Variants in ANOS1 observed in about 807,000 individuals in gnomAD.
ANOS1 encodes the protein anosmin-1.
In ANOS1, 6 loss-of-function variants were observed where a neutral mutation model predicts 59.0. That is an observed-to-expected ratio of 0.10 (90% CI 0.06 to 0.20). ANOS1 has a LOEUF of 0.20. Among genes scored for constraint, ANOS1 ranks in the 10% least tolerant of loss-of-function variants. The pLI, the probability that ANOS1 is intolerant of heterozygous loss-of-function variation, is 1.00. For missense variants in ANOS1, 433 were observed against 542.3 expected (o/e 0.80, Z 2.00); for synonymous variants, 217 against 223.4 (o/e 0.97, Z 0.25).
At chrX:8,639,216 G>A (rs1931620356) in intron 2 of ANOS1, among the ~76,000 whole-genome samples, 1 of 110,812 alleles carries the variant, frequency 9.0e-6, no homozygotes, top group African/African-American at 3.3e-5. Context: ...TTCCACTTGG[G>A]GGGAGCTTAA....
At chrX:8,700,688 T>A (rs1046325412) in intron 1 of ANOS1, among the ~76,000 whole-genome samples, 2 of 112,269 alleles carry the variant, frequency 1.8e-5, no homozygotes, top group Non-Finnish European at 3.8e-5. Context: ...GGTAACTAAA[T>A]GAAACAATAG....
chrX:8,610,033 A>AAAAAAAAAAC (rs1287806402), intron 3 of ANOS1, among the ~76,000 whole-genome samples: 5 of 82,712 alleles, frequency 6.0e-5, no homozygotes, highest in African/African-American at 2.4e-4. Context: ...AAAAAAAAAA[A>AAAAAAAAAAC]AACAACAACC....
intron 12 of ANOS1, 56 bp from the exon 13 acceptor site, chrX:8,534,516 C>A: frequency 1.8e-6 from 2 of 1,131,289 alleles, no homozygotes; most frequent in Non-Finnish European, 2.4e-6. Context: ...AGACAACATG[C>A]AATGCACAGA....
intron 2 of ANOS1, among the ~76,000 whole-genome samples, chrX:8,670,115 G>A (rs755801643): frequency 3.6e-5 from 4 of 109,739 alleles, no homozygotes; most frequent in East Asian, 2.9e-4. Flanking sequence ...AAGTATGCTC[G>A]TTCTGTCTGT....
rs185291148 is a variant in ANOS1 at position 8,729,173 on chromosome X, T to C, written c.207+2657A>G. 6.3e-4 allele frequency among the ~76,000 whole-genome samples: 70 copies of C among 110,974 alleles called. No homozygotes were observed. In the East Asian group the frequency reaches 0.013, roughly 21 times the overall value. On this transcript the variant is annotated intron_variant, in intron 1 of 13. Coordinates refer to ENST00000262648, the MANE Select transcript of ANOS1 (RefSeq NM_000216.4). ...TGAGAGTCCACATACCTGGCGGGCATCCAGGCTGGAGGCCAGGCAAGCTTC... is the reference window on the plus strand; with the variant it reads ...TGAGAGTCCACATACCTGGCGGGCACCCAGGCTGGAGGCCAGGCAAGCTTC...
At chrX:8,706,548 C>CTGA (rs749564238) in intron 1 of ANOS1, among the ~76,000 whole-genome samples, 77 of 111,921 alleles carry the variant, frequency 6.9e-4, no homozygotes, top group African/African-American at 2.4e-3. Context: ...ACTATGGACC[C>CTGA]TGATGATGAT....
chrX:8,635,180 C>A (rs988017486), intron 2 of ANOS1, among the ~76,000 whole-genome samples: 3 of 110,797 alleles, frequency 2.7e-5, no homozygotes, highest in Middle Eastern at 4.2e-3. Flanking sequence ...GTCCAATTTG[C>A]CTCTTGGACC....
At chrX:8,679,119 T>C (rs956504412) in intron 2 of ANOS1, among the ~76,000 whole-genome samples, 1 of 111,788 alleles carries the variant, frequency 8.9e-6, no homozygotes, top group Non-Finnish European at 1.9e-5. Context: ...GCCTTTCCAA[T>C]GGATAAACAG....
At chrX:8,595,752 C>CTCTA (rs1930723217) in intron 4 of ANOS1, among the ~76,000 whole-genome samples, 3 of 111,366 alleles carry the variant, frequency 2.7e-5, no homozygotes, top group Non-Finnish European at 5.7e-5. Context: ...TACTGACTGA[C>CTCTA]TCTATATTAG....
intron 1 of ANOS1, among the ~76,000 whole-genome samples, chrX:8,724,813 T>C (rs954841763): frequency 3.6e-5 from 4 of 112,235 alleles, no homozygotes; most frequent in Non-Finnish European, 7.5e-5. Flanking sequence ...AGAACTAAAA[T>C]GTCATAACTA....
intron 1 of ANOS1, among the ~76,000 whole-genome samples, chrX:8,715,256 C>T (rs755093747): frequency 1.8e-5 from 2 of 110,697 alleles, no homozygotes; most frequent in Non-Finnish European, 3.8e-5. Context: ...ATGCATCATA[C>T]GGAAAGGTGA....
chrX:8,661,721 C>A (rs1932041300), intron 2 of ANOS1, among the ~76,000 whole-genome samples: 1 of 104,582 alleles, frequency 9.6e-6, no homozygotes, highest in African/African-American at 3.9e-5. Context: ...TCCCCATGAC[C>A]CCCATGTGGT....
chrX:8,600,541 G>A (rs1010261030), intron 3 of ANOS1, among the ~76,000 whole-genome samples: 1 of 111,449 alleles, frequency 9.0e-6, no homozygotes, highest in African/African-American at 3.3e-5. Context: ...AACTTAGAAG[G>A]GCCATGGTGT....
At chrX:8,560,519 A>C (rs1569048624) in intron 8 of ANOS1, among the ~76,000 whole-genome samples, 1 of 112,663 alleles carries the variant, frequency 8.9e-6, no homozygotes, top group South Asian at 3.7e-4. Context: ...TATATAAATG[A>C]CATGTAAGCA....
intron 2 of ANOS1, among the ~76,000 whole-genome samples, chrX:8,636,035 C>T (rs1931567699): frequency 9.0e-6 from 1 of 111,431 alleles, no homozygotes; most frequent in South Asian, 3.8e-4. Context: ...ATTGAATCTG[C>T]ACAGCATGAT....
intron 5 of ANOS1, among the ~76,000 whole-genome samples, chrX:8,587,120 TTG>T (rs35501476): frequency 0.29 from 29,327 of 101,160 alleles, 3,230 homozygotes; most frequent in Middle Eastern, 0.38. Flanking sequence ...CATGTAGGGT[TTG>T]TGTGTGTGTG....
chrX:8,618,208 G>A (rs917622619), intron 3 of ANOS1, among the ~76,000 whole-genome samples: 1 of 111,914 alleles, frequency 8.9e-6, no homozygotes, highest in Non-Finnish European at 1.9e-5. Context: ...ATGCAAAATC[G>A]CAAAGAAATT....
At chrX:8,599,661 C>T (rs1036768611) in intron 3 of ANOS1, among the ~76,000 whole-genome samples, 1 of 111,387 alleles carries the variant, frequency 9.0e-6, no homozygotes, top group African/African-American at 3.3e-5. Flanking sequence ...CTCCCTACCA[C>T]GAGGTAACAC....
chrX:8,594,749 T>C (rs867667726), intron 4 of ANOS1, among the ~76,000 whole-genome samples: 18 of 78,261 alleles, frequency 2.3e-4, no homozygotes, highest in African/African-American at 7.3e-4. Flanking sequence ...TATATATATA[T>C]ACATATATAT....
Sources: gnomAD v4.1 joint callset for allele counts (sites outside exome capture counted in the v4.1 genomes callset) on GRCh38, gnomAD v4.1.1 for gene constraint, MANE v1.5 for transcripts, NCBI Gene and HGNC (gene_info 2026-07-23, HGNC 2026-07-21) for gene names.